The following SLC2A10 variants were observed in gnomAD, a reference collection of about 807,000 sequenced individuals.
SLC2A10 encodes solute carrier family 2, facilitated glucose transporter member 10.
Under a neutral mutation model 32.1 loss-of-function variants are expected in SLC2A10, and 25 were observed. The observed-to-expected ratio is 0.78, with a 90% CI of 0.57 to 1.09. The LOEUF (loss-of-function observed/expected upper bound fraction) is 1.09. SLC2A10 is among the 50% of genes least tolerant of loss of function. SLC2A10 has a pLI of 0.00. For synonymous variants in SLC2A10, 332 were observed against 309.6 expected, an observed-to-expected ratio of 1.07 and a Z score of -0.76; for missense variants, 673 against 686.5, an observed-to-expected ratio of 0.98 and a Z score of 0.22.
chr20:46,709,628 C>A (rs1217598757), upstream of SLC2A10: 326 of 1,380,530 alleles, frequency 2.4e-4, 4 homozygotes, highest in South Asian at 4.2e-3. Context: ...GGGACAGAGG[C>A]GGGGGCGGGC....
At position 46,729,389 on chromosome 20, in the gene SLC2A10, G is replaced by C; in HGVS notation, c.1448G>C (p.Gly483Ala). Reference sequence around the variant, plus strand: ...TTGTCCTGGACCTTCCTGCTCTACGGACTGACCGCTGTCCTCGGCCTGGGC... The same window carrying C: ...TTGTCCTGGACCTTCCTGCTCTACGCACTGACCGCTGTCCTCGGCCTGGGC... ...IGLSWTFLLY[G>A]LTAVLGLGFI... The change falls in exon 4 of 5, where the codon GGA (glycine) becomes GCA (alanine). Residue 483 changes from glycine (G) to alanine (A), a missense_variant. Coordinates refer to ENST00000359271, the MANE Select transcript of SLC2A10 (RefSeq NM_030777.4). 4 of 1,613,968 alleles carry C rather than the reference G, an allele frequency of 2.5e-6. No homozygotes were observed. Among genetic ancestry groups the C allele is most frequent in the Non-Finnish European group, 3.4e-6 (4 of 1,180,002 alleles).
At chr20:46,718,235 G>T (rs1979364176) in intron 1 of SLC2A10, among the ~76,000 whole-genome samples, 1 of 151,996 alleles carries the variant, frequency 6.6e-6, no homozygotes, top group African/African-American at 2.4e-5. Flanking sequence ...AAAAAAGAAA[G>T]AAAATGCTTT....
At chr20:46,730,355 G>A (rs575012951) in intron 4 of SLC2A10, among the ~76,000 whole-genome samples, 17 of 152,280 alleles carry the variant, frequency 1.1e-4, no homozygotes, top group African/African-American at 3.9e-4. Flanking sequence ...AGTTGGTGAT[G>A]AGTAATTAGG....
intron 1 of SLC2A10, among the ~76,000 whole-genome samples, chr20:46,722,226 G>T (rs1016834289): frequency 5.3e-5 from 8 of 152,156 alleles, no homozygotes; most frequent in Middle Eastern, 3.4e-3. Flanking sequence ...AACTCGTGAG[G>T]TTACTGTTCC....
rs3092014 is a variant in SLC2A10 at position 46,724,875 on chromosome 20, C to CGGATGGATGGAT, written c.5-147_5-136dup. ...TGAATTGATGGAGTGGATGGATGGACGGATGGATGGATGGATGGATGGATG... is the reference window on the plus strand; with the variant it reads ...TGAATTGATGGAGTGGATGGATGGACGGATGGATGGATGGATGGATGGATGGATGGATGGATG... On this transcript the variant is annotated intron_variant, in intron 1 of 4. Transcript: ENST00000359271. Among the ~76,000 whole-genome samples the CGGATGGATGGAT allele has an allele frequency of 0.11, 15,648 of 139,694 alleles. 2,195 individuals are homozygous for CGGATGGATGGAT. The highest frequency in any genetic ancestry group is 0.31 in the African/African-American group (11,343 of 36,188). The allele number at this position is 139,694 out of a possible 152,430, so 91.6% of individuals were successfully genotyped here. A position where few individuals can be genotyped will look rare whatever the true frequency, so the allele number is the denominator to read the frequency against.
Position 46,725,856 on chromosome 20 carries a change from G to T in SLC2A10, c.820G>T (p.Val274Leu). 6.2e-7 allele frequency: 1 copy of T among 1,614,260 alleles called. No homozygotes were observed. The highest frequency in any genetic ancestry group is 1.3e-5 in the African/African-American group (1 of 75,074). The part of the protein sequence containing the change: ...HGGSSAVLAS[V>L]GLGAVKVAAT... ...GGGATCCTCAGCCGTGCTGGCCTCTGTGGGGCTTGGCGCAGTGAAGGTGGC... is the reference window on the plus strand; with the variant it reads ...GGGATCCTCAGCCGTGCTGGCCTCTTTGGGGCTTGGCGCAGTGAAGGTGGC... Residue 274 changes from valine to leucine, a missense_variant, in exon 2 of 5, where the codon GTG becomes TTG. Physicochemically the swap from Val to Leu is conservative, Grantham distance 32. Transcript: ENST00000359271.
intron 1 of SLC2A10, among the ~76,000 whole-genome samples, chr20:46,718,814 C>T (rs1979392651): frequency 6.6e-6 from 1 of 152,104 alleles, no homozygotes. Context: ...CTTGCTCTGT[C>T]ACCCAGGCTG....
chr20:46,725,446 C>T lies in SLC2A10; in HGVS notation c.410C>T (p.Ser137Phe), dbSNP rs754660982. 8 of 1,614,026 alleles carry T rather than the reference C, an allele frequency of 5.0e-6. No homozygotes were observed. In the Admixed American group the frequency reaches 1.3e-4, roughly 27 times the overall value. The change falls in exon 2 of 5, where the codon TCC becomes TTC. Residue 137 changes from serine to phenylalanine, a missense_variant. Physicochemically the swap from Ser to Phe is radical, Grantham distance 155. Coordinates refer to ENST00000359271, the MANE Select transcript of SLC2A10 (RefSeq NM_030777.4). ...VGPRQRGVLV[S>F]LYEAGITVGI... ...CCACGGCAGCGGGGAGTGCTGGTGTCCCTCTATGAGGCAGGCATCACCGTG... is the reference window on the plus strand; with the variant it reads ...CCACGGCAGCGGGGAGTGCTGGTGTTCCTCTATGAGGCAGGCATCACCGTG...
In SLC2A10 at chr20:46,709,657, G is replaced by T. The variant is rs1320683885; in HGVS notation, c.-80G>T. 1 of 1,503,348 alleles carries T rather than the reference G, an allele frequency of 6.7e-7. No individual in the cohort carries two copies. The highest frequency in any genetic ancestry group is 1.4e-5 in the African/African-American group (1 of 69,100). 93.1% of individuals were successfully genotyped at this position (1,503,348 alleles called of 1,614,324 possible). On this transcript the variant is annotated 5_prime_UTR_variant, in exon 1 of 5. Transcript: ENST00000359271. ...GGCGGGCCGGAAAGTTTGTCCGGCGGCAGCGGCGTTGGGGACTCCGGCGGG... is the reference window on the plus strand; with the variant it reads ...GGCGGGCCGGAAAGTTTGTCCGGCGTCAGCGGCGTTGGGGACTCCGGCGGG...
chr20:46,729,905 C>T (rs1980205410), intron 4 of SLC2A10, among the ~76,000 whole-genome samples: 1 of 152,060 alleles, frequency 6.6e-6, no homozygotes, highest in African/African-American at 2.4e-5. Context: ...GCTGAGATTA[C>T]AAGCGTGAGC....
intron 4 of SLC2A10, 25 bp downstream of exon 4, chr20:46,729,513 G>A: frequency 6.2e-7 from 1 of 1,613,250 alleles, no homozygotes; most frequent in South Asian, 1.1e-5. Flanking sequence ...GGGTGGGTCT[G>A]GGGGAAGAGC....
At chr20:46,731,136 G>C (rs561619831) in intron 4 of SLC2A10, among the ~76,000 whole-genome samples, 1 of 152,166 alleles carries the variant, frequency 6.6e-6, no homozygotes, top group Non-Finnish European at 1.5e-5. Context: ...GTCGGTTGGG[G>C]GTCCAGGGTT....
At chr20:46,726,749 T>TTA in intron 2 of SLC2A10, 115 bp from the exon 3 acceptor site, 1 of 1,382,082 alleles carries the variant, frequency 7.2e-7, no homozygotes, top group Non-Finnish European at 1.0e-6. Context: ...GGGAGTTTAG[T>TTA]ATCAGGAGCC....
rs1980009887 is a variant in SLC2A10 at position 46,726,988 on chromosome 20, TGA to T, written c.1411+4_1411+5del. On this transcript the variant is annotated splice_donor_region_variant and intron_variant, in intron 3 of 4. Transcript: ENST00000359271. ...GCCTCTCCTTCCTCGATCTCATTGG[TGA>T]GTCCTTCCCAGACAAGTCCGTTTTT... The T allele has an allele frequency of 6.2e-7, 1 of 1,614,142 alleles. No homozygotes were observed. Among genetic ancestry groups the T allele is most frequent in the Non-Finnish European group, 8.5e-7 (1 of 1,180,058 alleles).
intron 1 of SLC2A10, among the ~76,000 whole-genome samples, chr20:46,718,376 A>C (rs868211480): frequency 1.6e-4 from 25 of 152,190 alleles, no homozygotes; most frequent in African/African-American, 5.5e-4. Context: ...CAAGGAACCA[A>C]CTTGAGTTTT....
chr20:46,726,877 C>T lies in SLC2A10; in HGVS notation c.1302C>T (p.Val434=). Residue 434 remains valine (V), a synonymous_variant, in exon 3 of 5, where the codon GTC becomes GTT. Transcript: ENST00000359271. The part of the protein sequence containing the change: ...SFGFGPVTWL[V]LSEIYPVEIR... The stretch of plus-strand genomic sequence containing the variant: ...CTCCCACCCTAGTGACCTGGCTTGT[C>T]CTCAGCGAGATCTACCCTGTGGAGA... 1.2e-6 allele frequency: 2 copies of T among 1,603,178 alleles called. No individual in the cohort carries two copies. Among genetic ancestry groups the T allele is most frequent in the South Asian group, 2.2e-5 (2 of 90,716 alleles).
chr20:46,717,242 C>T (rs1979300663), intron 1 of SLC2A10, among the ~76,000 whole-genome samples: 1 of 151,900 alleles, frequency 6.6e-6, no homozygotes, highest in African/African-American at 2.4e-5. Flanking sequence ...AAAAACCCAC[C>T]CCATAATTGA....
upstream of SLC2A10, among the ~76,000 whole-genome samples, chr20:46,709,087 C>T (rs6094435): frequency 0.05 from 7,621 of 152,264 alleles, 255 homozygotes; most frequent in African/African-American, 0.084. Context: ...CTCTTCCCCT[C>T]CTAGAAGGTA....
chr20:46,711,046 T>C (rs1039859694), intron 1 of SLC2A10, among the ~76,000 whole-genome samples: 9 of 151,472 alleles, frequency 5.9e-5, no homozygotes, highest in Non-Finnish European at 1.0e-4. Flanking sequence ...CTAATTTTTG[T>C]ATTTTTAGTA....
Sources: gnomAD v4.1 joint callset for allele counts (sites outside exome capture counted in the v4.1 genomes callset) on GRCh38, gnomAD v4.1.1 for gene constraint, MANE v1.5 for transcripts, NCBI Gene and HGNC (gene_info 2026-07-23, HGNC 2026-07-21) for gene names.